The following ZSWIM6 variants were observed in gnomAD, a reference collection of about 807,000 sequenced individuals.
ZSWIM6 encodes the protein zinc finger SWIM domain-containing protein 6.
Under a neutral mutation model 113.2 loss-of-function variants are expected in ZSWIM6, and 9 were observed. The ratio of observed to expected loss-of-function variants is 0.08; its 90% confidence interval spans 0.05 to 0.14. ZSWIM6 has a LOEUF of 0.14. Ranked by LOEUF, ZSWIM6 falls within the 10% of genes least tolerant of loss-of-function variation. The pLI, the probability that ZSWIM6 is intolerant of heterozygous loss-of-function variation, is 1.00. For missense variants in ZSWIM6, 1,162 were observed against 1,552.2 expected (o/e 0.75, Z 4.22); for synonymous variants, 611 against 606.5 (o/e 1.01, Z -0.11).
chr5:61,535,442 C>A, intron 9 of ZSWIM6, 42 bp from the exon 10 acceptor site: 1 of 1,545,374 alleles, frequency 6.5e-7, no homozygotes, highest in South Asian at 1.2e-5. Context: ...AGTGTTAGTT[C>A]ATTTTTTAGG....
At chr5:61,364,282 A>G (rs983315597) in intron 1 of ZSWIM6, among the ~76,000 whole-genome samples, 22 of 152,154 alleles carry the variant, frequency 1.4e-4, no homozygotes, top group South Asian at 2.1e-4. Context: ...TAATTCTAAA[A>G]TTGTAGTTGG....
At position 61,525,994 on chromosome 5, in the gene ZSWIM6, A is replaced by G. The variant is rs751519784; in HGVS notation, c.1690+18A>G. 13 of 1,551,474 alleles carry G rather than the reference A, an allele frequency of 8.4e-6. No individual in the cohort carries two copies. The highest frequency in any genetic ancestry group is 1.1e-5 in the Non-Finnish European group (13 of 1,146,714). ...CTGGCATGGTAAGTGACCAAACCGG[A>G]AAGACATTTCCATGACTTACTTCTT... On this transcript the variant is annotated intron_variant, in intron 6 of 13. Coordinates refer to ENST00000252744, the MANE Select transcript of ZSWIM6 (RefSeq NM_020928.2).
At chr5:61,541,274 G>A (rs1179028773) in intron 12 of ZSWIM6, among the ~76,000 whole-genome samples, 1 of 152,018 alleles carries the variant, frequency 6.6e-6, no homozygotes, top group African/African-American at 2.4e-5. Context: ...TTAAAGAATG[G>A]GGGAATTATG....
chr5:61,434,960 T>C (rs774474100), intron 1 of ZSWIM6, among the ~76,000 whole-genome samples: 1 of 152,188 alleles, frequency 6.6e-6, no homozygotes, highest in Non-Finnish European at 1.5e-5. Flanking sequence ...TTAAAATACA[T>C]TTAACCTGTC....
chr5:61,484,011 T>G (rs1036588143), intron 2 of ZSWIM6, among the ~76,000 whole-genome samples: 3 of 152,148 alleles, frequency 2.0e-5, no homozygotes, highest in African/African-American at 7.2e-5. Flanking sequence ...TTCTATCACT[T>G]TTCACTATTA....
chr5:61,543,926 A>C lies in ZSWIM6; in HGVS notation c.3257A>C (p.Glu1086Ala). The C allele has an allele frequency of 1.3e-6, 2 of 1,551,812 alleles. No individual in the cohort carries two copies. The highest frequency in any genetic ancestry group is 1.7e-6 in the Non-Finnish European group (2 of 1,147,006). ...CALSHSLGKNELAAIIPLVVK... is the reference protein window; with the variant it reads ...CALSHSLGKNALAAIIPLVVK... ...CTTAGCCACTCCCTTGGTAAAAATG[A>C]GCTTGCAGCTATAATACCTCTGGTG... Residue 1086 changes from glutamate (E) to alanine (A), a missense_variant, in exon 14 of 14, where the codon GAG (glutamate) becomes GCG (alanine). Around this residue, in one of 4 missense-constraint regions of ZSWIM6, gnomAD observed 113 missense variants for 213.8 expected, o/e 0.53. Coordinates refer to ENST00000252744, the MANE Select transcript of ZSWIM6 (RefSeq NM_020928.2). This position sits in a 1 kb window ranked among gnomAD's most constrained non-coding sequence, Gnocchi z 4.3.
At chr5:61,456,336 T>C (rs1309524670) in intron 1 of ZSWIM6, among the ~76,000 whole-genome samples, 1 of 152,220 alleles carries the variant, frequency 6.6e-6, no homozygotes, top group East Asian at 1.9e-4. Flanking sequence ...CTAATACTTC[T>C]CAAATCTGGC....
chr5:61,541,908 T>C lies in ZSWIM6; in HGVS notation c.2728T>C (p.Leu910=), dbSNP rs1749749717. ...GGTTATGCGAATGACACTGTCAACC[T>C]TAAATTGGCGACGGCGGGAGATGGT... The part of the protein sequence containing the change: ...LQVMRMTLST[L]NWRRREMVRW... The change falls in exon 13 of 14, where the codon TTA becomes CTA. Residue 910 remains leucine (L), a synonymous_variant. Coordinates refer to ENST00000252744, the MANE Select transcript of ZSWIM6 (RefSeq NM_020928.2). 1 of 1,549,850 alleles carries C rather than the reference T, an allele frequency of 6.5e-7. No homozygotes were observed. Among genetic ancestry groups the C allele is most frequent in the Non-Finnish European group, 8.7e-7 (1 of 1,145,660 alleles).
intron 1 of ZSWIM6, among the ~76,000 whole-genome samples, chr5:61,402,603 C>T (rs1745960758): frequency 6.6e-6 from 1 of 151,836 alleles, no homozygotes; most frequent in African/African-American, 2.4e-5. Flanking sequence ...TAATGACTAA[C>T]TTTCTTCAGA....
chr5:61,531,322 T>C (rs1749422792), intron 8 of ZSWIM6, 143 bp from the exon 9 acceptor site: 4 of 976,664 alleles, frequency 4.1e-6, no homozygotes, highest in Middle Eastern at 2.9e-4. Flanking sequence ...GACTGCACTT[T>C]AGCCTAAAAA....
chr5:61,464,823 A>G (rs1747399889), intron 1 of ZSWIM6, among the ~76,000 whole-genome samples: 1 of 152,198 alleles, frequency 6.6e-6, no homozygotes, highest in African/African-American at 2.4e-5. Context: ...AAATAGGTAA[A>G]AGGATCTTCT....
intron 1 of ZSWIM6, among the ~76,000 whole-genome samples, chr5:61,393,009 A>T (rs1217046898): frequency 6.6e-6 from 1 of 151,860 alleles, no homozygotes; most frequent in Non-Finnish European, 1.5e-5. Context: ...TATATATATA[A>T]AATCTGTTTC....
chr5:61,468,997 A>ATTC (rs1266347114), intron 1 of ZSWIM6, among the ~76,000 whole-genome samples: 4 of 152,090 alleles, frequency 2.6e-5, no homozygotes. Flanking sequence ...GGTAAGGGGA[A>ATTC]CCCCCAGCCC....
chr5:61,404,144 A>G lies in ZSWIM6; in HGVS notation c.677-68537A>G, dbSNP rs187716747. Among the ~76,000 whole-genome samples, 500 of 152,100 alleles carry G rather than the reference A, an allele frequency of 3.3e-3. 8 individuals carry two copies. Among genetic ancestry groups the G allele is most frequent in the African/African-American group, 0.012 (479 of 41,498 alleles). On this transcript the variant is annotated intron_variant, in intron 1 of 13. Coordinates refer to ENST00000252744, the MANE Select transcript of ZSWIM6 (RefSeq NM_020928.2). ...TGCCTCAGCCTCCCGAGCAGCTGGG[A>G]CTACAGGCGCCTGCCACCACGCCCG...
At chr5:61,529,461 C>T (rs887027796) in intron 7 of ZSWIM6, among the ~76,000 whole-genome samples, 1 of 152,280 alleles carries the variant, frequency 6.6e-6, no homozygotes, top group African/African-American at 2.4e-5. Flanking sequence ...CAGATTCACA[C>T]TAAGGAAGAT....
chr5:61,460,510 A>G (rs1747300895), intron 1 of ZSWIM6, among the ~76,000 whole-genome samples: 1 of 152,180 alleles, frequency 6.6e-6, no homozygotes, highest in South Asian at 2.1e-4. Flanking sequence ...TACATAGAAC[A>G]TGGCTTCGGA....
At chr5:61,467,740 A>G (rs909192266) in intron 1 of ZSWIM6, among the ~76,000 whole-genome samples, 2 of 152,248 alleles carry the variant, frequency 1.3e-5, no homozygotes, top group African/African-American at 2.4e-5. Flanking sequence ...GTGAGTTGAC[A>G]GAACTTAATA....
intron 4 of ZSWIM6, among the ~76,000 whole-genome samples, chr5:61,520,244 TAAAC>T (rs1446776316): frequency 3.9e-5 from 6 of 152,318 alleles, no homozygotes; most frequent in South Asian, 2.1e-4. Flanking sequence ...GATTAAAACA[TAAAC>T]AGACATGCAC....
intron 1 of ZSWIM6, among the ~76,000 whole-genome samples, chr5:61,352,092 T>C (rs1023880622): frequency 2.0e-5 from 3 of 152,202 alleles, no homozygotes; most frequent in East Asian, 3.8e-4. Context: ...TTCTGCACAA[T>C]GTCCTCTCCT....
Sources: gnomAD v4.1 joint callset for allele counts (sites outside exome capture counted in the v4.1 genomes callset) on GRCh38, gnomAD v4.1.1 for gene constraint, gnomAD v4.1.1 regional missense constraint, Gnocchi (gnomAD v3.1) non-coding constraint, MANE v1.5 for transcripts, NCBI Gene and HGNC (gene_info 2026-07-23, HGNC 2026-07-21) for gene names.